Variants in ERCC8 observed in about 807,000 individuals in gnomAD.
The protein encoded by ERCC8 is ERCC excision repair 8, CSA ubiquitin ligase complex subunit.
Under a neutral mutation model 54.9 loss-of-function variants are expected in ERCC8, and 52 were observed. The ratio of observed to expected loss-of-function variants is 0.95; its 90% CI spans 0.76 to 1.19. The LOEUF (loss-of-function observed/expected upper bound fraction) is 1.19. ERCC8 is among the 50% of genes most tolerant of loss of function. ERCC8 has a pLI of 0.00. For missense variants in ERCC8, 514 were observed against 466.1 expected (o/e 1.10, Z -0.95); for synonymous variants, 146 against 157.2 (o/e 0.93, Z 0.53).
rs770131914 is a variant in ERCC8, at chr5:60,904,893, T to TA, written c.400-21dup. The TA allele has an allele frequency of 2.0e-5, 24 of 1,184,578 alleles. No homozygotes were observed. The East Asian group carries it at 5.6e-4, about 28-fold the overall frequency. 73.4% of individuals were successfully genotyped at this position (1,184,578 alleles called of 1,614,324 possible). ...TGCAGTCTGGTAATCAAAAGACATT[T>TA]AAAAAGTATAAGGTTTAAGTATAAA... On this transcript the variant is annotated intron_variant, in intron 4 of 11. Coordinates refer to ENST00000676185, the MANE Select transcript of ERCC8 (RefSeq NM_000082.4).
At chr5:60,922,936 C>G (rs1479697809) in intron 2 of ERCC8, among the ~76,000 whole-genome samples, 8 of 151,984 alleles carry the variant, frequency 5.3e-5, no homozygotes, top group Admixed American at 5.3e-4. Context: ...TCCCTGATTG[C>G]AATATTTAAG....
At position 60,868,017 on chromosome 5, in the gene ERCC8, C is replaced by G. The variant is rs1028250026; in HGVS notation, c.*6598G>C. Among the ~76,000 whole-genome samples the G allele has an allele frequency of 6.6e-6, 1 of 152,086 alleles. No individual in the cohort carries two copies. Among genetic ancestry groups the G allele is most frequent in the African/African-American group, 2.4e-5 (1 of 41,420 alleles). ...CCAACATGGAGAAACCCTGTCTCTA[C>G]TAAAAATACAAAATAAGCCAGGCAT... On this transcript the variant is annotated 3_prime_UTR_variant, in exon 12 of 12. Transcript: ENST00000676185.
chr5:60,901,722 T>C (rs1748910527), intron 7 of ERCC8, among the ~76,000 whole-genome samples: 1 of 152,068 alleles, frequency 6.6e-6, no homozygotes. Context: ...CCCACTTCTG[T>C]GTATTCAAGG....
intron 2 of ERCC8, among the ~76,000 whole-genome samples, chr5:60,922,841 C>T (rs1053966980): frequency 3.9e-5 from 6 of 152,128 alleles, no homozygotes; most frequent in Non-Finnish European, 8.8e-5. Flanking sequence ...AAGTAGTATG[C>T]ATAATCACAC....
intron 1 of ERCC8, among the ~76,000 whole-genome samples, chr5:60,934,872 G>C (rs570094399): frequency 3.0e-4 from 45 of 152,316 alleles, no homozygotes; most frequent in African/African-American, 1.1e-3. Context: ...TCAGCTAGCT[G>C]TAAGTATTTG....
intron 1 of ERCC8, 93 bp from the exon 2 acceptor site, chr5:60,929,052 C>T (rs1184241994): frequency 1.3e-6 from 1 of 751,996 alleles, no homozygotes; most frequent in Non-Finnish European, 2.4e-6. Context: ...ACAAAAATCA[C>T]AAGAAATGTC....
chr5:60,917,228 G>A (rs1335179124), intron 4 of ERCC8, among the ~76,000 whole-genome samples: 3 of 151,966 alleles, frequency 2.0e-5, no homozygotes, highest in Admixed American at 6.6e-5. Context: ...TTGGCTCAAT[G>A]TAATTGTAAA....
In ERCC8 at chr5:60,867,714, A is replaced by C. The variant is rs1349566377; in HGVS notation, c.*6901T>G. On this transcript the variant is annotated 3_prime_UTR_variant, in exon 12 of 12. Coordinates refer to ENST00000676185, the MANE Select transcript of ERCC8 (RefSeq NM_000082.4). ...TGCAGGGTGTAGAGAAGCTGGAATT[A>C]AGTGTTTGAGCCACATGGGAGAAGC... Among the ~76,000 whole-genome samples the C allele has an allele frequency of 6.6e-6, 1 of 152,194 alleles. No homozygotes were observed. The highest frequency in any genetic ancestry group is 2.4e-5 in the African/African-American group (1 of 41,442).
chr5:60,904,680 A>T, intron 5 of ERCC8, 112 bp downstream of exon 5: 1 of 209,472 alleles, frequency 4.8e-6, no homozygotes. Flanking sequence ...ATATATATAT[A>T]TATAAAATTG....
chr5:60,876,988 T>G (rs1181740439), intron 11 of ERCC8, among the ~76,000 whole-genome samples: 1 of 152,206 alleles, frequency 6.6e-6, no homozygotes. Context: ...TGCCTAGGTT[T>G]TCTTCTGGGG....
intron 4 of ERCC8, among the ~76,000 whole-genome samples, chr5:60,908,218 A>AT (rs35483171): frequency 0.014 from 1,969 of 145,136 alleles, 18 homozygotes; most frequent in Middle Eastern, 0.025. Context: ...CAGAGTTCAG[A>AT]TTTTTTTTTT....
At chr5:60,924,174 A>C (rs1488537923) in intron 2 of ERCC8, 1 of 152,298 alleles carries the variant, frequency 6.6e-6, no homozygotes, top group Non-Finnish European at 1.5e-5. Context: ...ATTTAAAATA[A>C]TTTCTATTTC....
At chr5:60,931,933 C>A (rs1749920475) in intron 1 of ERCC8, among the ~76,000 whole-genome samples, 2 of 152,140 alleles carry the variant, frequency 1.3e-5, no homozygotes, top group Non-Finnish European at 1.5e-5. Context: ...TAACCAATCT[C>A]CCATCTCCAC....
At chr5:60,918,453 TAAG>T (rs1406988947) in intron 3 of ERCC8, 65 bp from the exon 4 acceptor site, 1 of 1,389,150 alleles carries the variant, frequency 7.2e-7, no homozygotes, top group African/African-American at 1.4e-5. Context: ...GGTACTATAT[TAAG>T]AACAAGTAGT....
At chr5:60,905,827 AAGTCTTGT>A (rs1429954303) in intron 4 of ERCC8, among the ~76,000 whole-genome samples, 1 of 152,140 alleles carries the variant, frequency 6.6e-6, no homozygotes, top group Non-Finnish European at 1.5e-5. Flanking sequence ...AACCTCCTTG[AAGTCTTGT>A]AGGTTTGGGG....
chr5:60,921,082 TA>T (rs1749586761), intron 3 of ERCC8, among the ~76,000 whole-genome samples: 1 of 151,896 alleles, frequency 6.6e-6, no homozygotes, highest in Non-Finnish European at 1.5e-5. Context: ...AACACGCTTT[TA>T]AAAAGATAGT....
rs376012884 is a variant in ERCC8, at chr5:60,877,710, C to T, written c.1123-3027G>A. On this transcript the variant is annotated intron_variant, in intron 11 of 11. Coordinates refer to ENST00000676185, the MANE Select transcript of ERCC8 (RefSeq NM_000082.4). ...TGTATAAGAATGCTTGTGATTTTTG[C>T]ACATTGATTTTGTATCCTGAGACTT... 1.7e-4 allele frequency among the ~76,000 whole-genome samples: 26 copies of T among 152,210 alleles called. No individual in the cohort carries two copies. In the East Asian group the frequency reaches 4.6e-3, roughly 27 times the overall value.
At chr5:60,930,573 A>ACAAAAG (rs1185427385) in intron 1 of ERCC8, among the ~76,000 whole-genome samples, 2 of 151,224 alleles carry the variant, frequency 1.3e-5, no homozygotes, top group East Asian at 3.9e-4. Context: ...AAAAACAAAA[A>ACAAAAG]CAAACTAAAA....
chr5:60,887,590 T>G, intron 10 of ERCC8, 70 bp from the exon 11 acceptor site: 2 of 1,130,084 alleles, frequency 1.8e-6, no homozygotes, highest in Non-Finnish European at 2.7e-6. Context: ...AATTATATCA[T>G]TTTTGAAATA....
Sources: gnomAD v4.1 joint callset for allele counts (sites outside exome capture counted in the v4.1 genomes callset) on GRCh38, gnomAD v4.1.1 for gene constraint, MANE v1.5 for transcripts, NCBI Gene and HGNC (gene_info 2026-07-23, HGNC 2026-07-21) for gene names.